The following TMEM74 variants were observed in gnomAD, a reference collection of about 807,000 sequenced individuals.
TMEM74 encodes the protein transmembrane protein 74.
Under a neutral mutation model 18.1 loss-of-function variants are expected in TMEM74, and 13 were observed. The ratio of observed to expected loss-of-function variants is 0.72; its 90% CI spans 0.47 to 1.14. The LOEUF (loss-of-function observed/expected upper bound fraction) is 1.14, where lower values mean the gene tolerates loss of function less well. Among genes scored for constraint, TMEM74 ranks in the 50% most tolerant of loss-of-function variants. The probability of loss-of-function intolerance (pLI) is 0.00; values close to 1 mark genes in which losing one functional copy is unlikely to be tolerated. For synonymous variants in TMEM74, 159 were observed against 146.6 expected, an observed-to-expected ratio of 1.08 and a Z score of -0.61; for missense variants, 372 against 375.9, an observed-to-expected ratio of 0.99 and a Z score of 0.09.
intron 1 of TMEM74, among the ~76,000 whole-genome samples, chr8:108,722,584 G>A (rs1374334667): frequency 6.6e-6 from 1 of 152,056 alleles, no homozygotes; most frequent in Non-Finnish European, 1.5e-5. Flanking sequence ...CTACCTTCAG[G>A]CTTCTATTTC....
chr8:108,639,644 G>A (rs1177604607), intron 2 of TMEM74, among the ~76,000 whole-genome samples: 2 of 152,026 alleles, frequency 1.3e-5, no homozygotes, highest in Non-Finnish European at 1.5e-5. Context: ...CTATCATATA[G>A]GGCTCTTCTT....
exon 3 of TMEM74, chr8:108,608,772 G>C (rs1489752949): frequency 6.6e-6 from 1 of 152,094 alleles, no homozygotes; most frequent in African/African-American, 2.4e-5. Flanking sequence ...AGAAACTGTA[G>C]ATAAAGAATC....
chr8:108,727,403 T>C (rs374278173), intron 1 of TMEM74, among the ~76,000 whole-genome samples: 321 of 152,230 alleles, frequency 2.1e-3, no homozygotes, highest in African/African-American at 7.4e-3. Flanking sequence ...AGTGGCAAGA[T>C]TTTTGGACAT....
chr8:108,657,709 G>A (rs185607380), intron 1 of TMEM74, among the ~76,000 whole-genome samples: 10 of 150,722 alleles, frequency 6.6e-5, no homozygotes, highest in Non-Finnish European at 1.3e-4. Context: ...TGCGCATGTT[G>A]ATGTGTGCCT....
intron 1 of TMEM74, among the ~76,000 whole-genome samples, chr8:108,743,353 GCTT>G (rs1459093276): frequency 6.6e-6 from 1 of 152,070 alleles, no homozygotes; most frequent in Non-Finnish European, 1.5e-5. Flanking sequence ...TTTGAAAGCT[GCTT>G]CTTCTCCTTC....
intron 2 of TMEM74, among the ~76,000 whole-genome samples, chr8:108,643,884 A>G (rs1411799301): frequency 2.0e-5 from 3 of 152,300 alleles, no homozygotes; most frequent in African/African-American, 7.2e-5. Flanking sequence ...TTCCATGCTC[A>G]TGGATTAGAA....
chr8:108,649,422 CAAT>C (rs1812751070), intron 2 of TMEM74, among the ~76,000 whole-genome samples: 1 of 152,050 alleles, frequency 6.6e-6, no homozygotes, highest in Non-Finnish European at 1.5e-5. Flanking sequence ...TGAGAAGTAA[CAAT>C]AACTCTTATT....
At chr8:108,607,404 C>T (rs1259796876) in exon 4 of TMEM74, 1 of 152,170 alleles carries the variant, frequency 6.6e-6, no homozygotes, top group Non-Finnish European at 1.5e-5. Context: ...AATGAATAAA[C>T]CAACCACTTT....
chr8:108,718,607 C>T (rs1005806174), intron 1 of TMEM74, among the ~76,000 whole-genome samples: 1 of 152,112 alleles, frequency 6.6e-6, no homozygotes, highest in African/African-American at 2.4e-5. Context: ...TTTGACAACA[C>T]TAACAGAGAG....
intron 2 of TMEM74, chr8:108,653,104 A>C (rs895440129): frequency 5.6e-6 from 1 of 178,196 alleles, no homozygotes; most frequent in South Asian, 1.2e-4. Flanking sequence ...GTGACATTTC[A>C]AAAGGCCCAG....
chr8:108,718,625 T>C (rs58982441), intron 1 of TMEM74, among the ~76,000 whole-genome samples: 134 of 152,162 alleles, frequency 8.8e-4, no homozygotes, highest in African/African-American at 3.1e-3. Context: ...GAGAGAGAAA[T>C]GTGGGTGGGA....
At chr8:108,726,708 G>C (rs1813642475) in intron 1 of TMEM74, among the ~76,000 whole-genome samples, 1 of 151,988 alleles carries the variant, frequency 6.6e-6, no homozygotes, top group African/African-American at 2.4e-5. Flanking sequence ...TCTACTATAA[G>C]TCAAGCTCTG....
chr8:108,615,045 A>G (rs1019871949), intron 2 of TMEM74, among the ~76,000 whole-genome samples: 1 of 152,202 alleles, frequency 6.6e-6, no homozygotes, highest in Non-Finnish European at 1.5e-5. Flanking sequence ...GACTCTCTTG[A>G]ATGAGAGGGG....
intron 2 of TMEM74, among the ~76,000 whole-genome samples, chr8:108,644,101 G>A (rs1462041773): frequency 6.6e-6 from 1 of 152,062 alleles, no homozygotes; most frequent in African/African-American, 2.4e-5. Context: ...ACTTCGAACT[G>A]TAACATAAGA....
In TMEM74 at chr8:108,642,408, AG is replaced by A. The variant is rs71564012; in HGVS notation, n.264+12884del. ...CTCCATCTCAAAAAAAAAAAAAAAA[AG>A]AGAGAAAATATATGTGTTCAATTAT... On this transcript the variant is annotated intron_variant and non_coding_transcript_variant, in intron 2 of 3. Transcript: ENST00000518838. 1.4e-3 allele frequency among the ~76,000 whole-genome samples: 207 copies of A among 149,780 alleles called. 8 individuals are homozygous for A. Among genetic ancestry groups the A allele is most frequent in the African/African-American group, 2.8e-3 (113 of 40,884 alleles).
At chr8:108,713,704 T>C (rs889109181) in intron 1 of TMEM74, among the ~76,000 whole-genome samples, 4 of 152,162 alleles carry the variant, frequency 2.6e-5, no homozygotes, top group Admixed American at 6.5e-5. Context: ...ACAGAGTCAA[T>C]AGGATATACA....
chr8:108,662,252 A>G (rs1026836253), intron 1 of TMEM74, among the ~76,000 whole-genome samples: 4 of 152,124 alleles, frequency 2.6e-5, no homozygotes, highest in Admixed American at 6.6e-5. Flanking sequence ...ACATACAAAC[A>G]CACACATAAG....
chr8:108,703,647 C>T (rs774939746), intron 1 of TMEM74, among the ~76,000 whole-genome samples: 14 of 152,194 alleles, frequency 9.2e-5, no homozygotes, highest in Admixed American at 1.3e-4. Flanking sequence ...CTGTGGCTAG[C>T]CCTGAGGCCT....
chr8:108,608,524 A>G (rs908529330), intron 3 of TMEM74, among the ~76,000 whole-genome samples: 1 of 152,180 alleles, frequency 6.6e-6, no homozygotes, highest in Non-Finnish European at 1.5e-5. Context: ...TAAATATTGA[A>G]CACTCAAGCC....
Sources: allele counts gnomAD v4.1 joint callset (sites outside exome capture counted in the v4.1 genomes callset), GRCh38; gene constraint gnomAD v4.1.1; transcripts MANE v1.5; gene names NCBI Gene and HGNC (gene_info 2026-07-23, HGNC 2026-07-21).